Variants in TSNARE1 observed in about 807,000 individuals in gnomAD.
TSNARE1 encodes t-SNARE domain containing 1.
TSNARE1 carries 49 observed loss-of-function variants against 62.0 expected under a neutral mutation model. The observed-to-expected ratio is 0.79, with a 90% CI of 0.63 to 1.00. The LOEUF (loss-of-function observed/expected upper bound fraction) is 1.00. Among genes scored for constraint, TSNARE1 ranks in the 50% least tolerant of loss-of-function variants. TSNARE1 has a pLI of 0.00. For synonymous variants in TSNARE1, 328 were observed against 294.4 expected (o/e 1.11, Z -1.17); for missense variants, 755 against 700.1 (o/e 1.08, Z -0.88).
rs753330579 is a variant in TSNARE1 at position 142,314,372 on chromosome 8, C to G, written c.1131+12G>C. Reference sequence around the variant, plus strand: ...TAACAGCCACTGACCATGGTCAGTACTCGGCACCCACCTGTTTACTGCCCC... The same window carrying G: ...TAACAGCCACTGACCATGGTCAGTAGTCGGCACCCACCTGTTTACTGCCCC... On this transcript the variant is annotated intron_variant, in intron 9 of 13. Coordinates refer to ENST00000524325, the MANE Select transcript of TSNARE1 (RefSeq NM_145003.5). 2 of 1,612,676 alleles carry G rather than the reference C, an allele frequency of 1.2e-6. No homozygotes were observed. Among genetic ancestry groups the G allele is most frequent in the African/African-American group, 1.3e-5 (1 of 74,914 alleles).
chr8:142,279,280 A>G (rs928310486), intron 11 of TSNARE1, among the ~76,000 whole-genome samples: 50 of 152,336 alleles, frequency 3.3e-4, no homozygotes, highest in African/African-American at 1.2e-3. Context: ...GTGGAGAGGA[A>G]GGCCAGGCCG....
intron 1 of TSNARE1, among the ~76,000 whole-genome samples, chr8:142,397,228 G>A (rs1011070171): frequency 1.3e-5 from 2 of 150,202 alleles, no homozygotes; most frequent in Non-Finnish European, 3.0e-5. Flanking sequence ...GCCCCTCTGT[G>A]TGGCAGTGGC....
chr8:142,273,234 T>TC, intron 12 of TSNARE1: 2 of 985,396 alleles, frequency 2.0e-6, no homozygotes, highest in Non-Finnish European at 2.4e-6. Context: ...CCTCCTGCCG[T>TC]CCCAGGCATC....
chr8:142,375,806 T>C lies in TSNARE1; in HGVS notation c.-39-21043A>G, dbSNP rs1192143254. On this transcript the variant is annotated intron_variant, in intron 1 of 13. Transcript: ENST00000524325. ...CGGCTTCCTAGCAGCAAGAGCCTGC[T>C]TGCTCCCAGGCCTGGCTGGCTCCCA... Among the ~76,000 whole-genome samples the C allele has an allele frequency of 2.0e-5, 3 of 152,170 alleles. No individual in the cohort carries two copies. The East Asian group carries it at 5.8e-4, about 29-fold the overall frequency.
intron 10 of TSNARE1, among the ~76,000 whole-genome samples, chr8:142,299,431 G>A (rs185288972): frequency 6.6e-6 from 1 of 152,362 alleles, no homozygotes; most frequent in East Asian, 1.9e-4. Flanking sequence ...GCTTCAGAGT[G>A]GGCAGGCCCT....
intron 1 of TSNARE1, among the ~76,000 whole-genome samples, chr8:142,363,231 G>A (rs1227245427): frequency 6.6e-6 from 1 of 152,172 alleles, no homozygotes; most frequent in Non-Finnish European, 1.5e-5. Context: ...AGCAGGGCCT[G>A]GTGAGGAAAG....
At chr8:142,343,473 T>C (rs1333191891) in intron 4 of TSNARE1, among the ~76,000 whole-genome samples, 1 of 151,364 alleles carries the variant, frequency 6.6e-6, no homozygotes, top group Non-Finnish European at 1.5e-5. Context: ...CAACGGCAAA[T>C]GCCCTTCTCG....
intron 1 of TSNARE1, among the ~76,000 whole-genome samples, chr8:142,395,176 C>T (rs2131417538): frequency 6.6e-6 from 1 of 152,216 alleles, no homozygotes; most frequent in South Asian, 2.1e-4. Context: ...TGGGCATTTT[C>T]CTGTGCTGGG....
intron 12 of TSNARE1, among the ~76,000 whole-genome samples, chr8:142,255,974 TCACCAC>T (rs1234299972): frequency 1.9e-5 from 1 of 51,842 alleles, no homozygotes; most frequent in Non-Finnish European, 3.6e-5. Flanking sequence ...ACCATCACCA[TCACCAC>T]CACCACCACC....
intron 12 of TSNARE1, among the ~76,000 whole-genome samples, chr8:142,268,678 G>C (rs1037946062): frequency 6.6e-6 from 1 of 152,222 alleles, no homozygotes; most frequent in South Asian, 2.1e-4. Context: ...CTAACTCCCA[G>C]TCAGTGGGCT....
intron 12 of TSNARE1, among the ~76,000 whole-genome samples, chr8:142,230,136 T>A (rs772826047): frequency 1.9e-4 from 29 of 152,238 alleles, no homozygotes; most frequent in Non-Finnish European, 3.5e-4. Context: ...GACATTGATC[T>A]GTGCTAAGGG....
In TSNARE1 at chr8:142,223,185, T is replaced by TTCATCCACTCATTCATCCACTCAC. The variant is rs1563756937; in HGVS notation, c.*11+6287_*11+6288insGTGAGTGGATGAATGAGTGGATGA. Among the ~76,000 whole-genome samples, 234 of 45,966 alleles carry TTCATCCACTCATTCATCCACTCAC rather than the reference T, an allele frequency of 5.1e-3. 7 individuals carry two copies. Among genetic ancestry groups the TTCATCCACTCATTCATCCACTCAC allele is most frequent in the Non-Finnish European group, 6.3e-3 (145 of 22,976 alleles). The allele number at this position is 45,966 out of a possible 152,430, so 30.2% of individuals were successfully genotyped here. On this transcript the variant is annotated intron_variant, in intron 13 of 13. Transcript: ENST00000524325. The stretch of plus-strand genomic sequence containing the variant: ...ACTCACTCACTCAAGTATTCACTCA[T>TTCATCCACTCATTCATCCACTCAC]TCACTCGTTCACTCACTCATACTCA...
intron 1 of TSNARE1, among the ~76,000 whole-genome samples, chr8:142,399,692 T>C (rs1200597601): frequency 6.6e-6 from 1 of 152,126 alleles, no homozygotes; most frequent in Non-Finnish European, 1.5e-5. Context: ...CCACAAATGT[T>C]TAGACAGGGC....
intron 12 of TSNARE1, among the ~76,000 whole-genome samples, chr8:142,250,108 C>T (rs903411871): frequency 1.4e-4 from 22 of 152,116 alleles, no homozygotes; most frequent in African/African-American, 2.9e-4. Context: ...GGAGCCAGGC[C>T]GGCAGCGCAG....
chr8:142,324,969 A>G (rs1228909496), intron 6 of TSNARE1, among the ~76,000 whole-genome samples: 4 of 152,178 alleles, frequency 2.6e-5, no homozygotes, highest in African/African-American at 9.7e-5. Flanking sequence ...GCCCTTTCCC[A>G]GTAGGTACAC....
intron 12 of TSNARE1, among the ~76,000 whole-genome samples, chr8:142,242,890 A>G (rs1166201259): frequency 8.3e-6 from 1 of 120,742 alleles, no homozygotes; most frequent in Non-Finnish European, 1.6e-5. Flanking sequence ...TGAACCCGGG[A>G]GGTGGAGGTT....
rs190015192 is a variant in TSNARE1, at chr8:142,343,429, C to A, written c.745+537G>T. ...GGGAGCGTCGGCACGGCTAGAAATGCCTGATTCTCGGTGTGTGTGTCTACC... is the reference window on the plus strand; with the variant it reads ...GGGAGCGTCGGCACGGCTAGAAATGACTGATTCTCGGTGTGTGTGTCTACC... On this transcript the variant is annotated intron_variant, in intron 4 of 13. Coordinates refer to ENST00000524325, the MANE Select transcript of TSNARE1 (RefSeq NM_145003.5). Among the ~76,000 whole-genome samples the A allele has an allele frequency of 1.7e-4, 26 of 151,914 alleles. No individual in the cohort carries two copies. In the East Asian group the frequency reaches 3.7e-3, roughly 22 times the overall value.
intron 1 of TSNARE1, among the ~76,000 whole-genome samples, chr8:142,378,148 G>A (rs764502297): frequency 1.7e-4 from 26 of 152,220 alleles, no homozygotes; most frequent in Non-Finnish European, 2.6e-4. Flanking sequence ...GCCTTGTGCC[G>A]ATTGCCCCAA....
upstream of TSNARE1, chr8:142,406,340 A>T (rs1359922287): frequency 6.6e-6 from 1 of 152,260 alleles, no homozygotes; most frequent in Non-Finnish European, 1.5e-5. Flanking sequence ...TGGGCTCCTA[A>T]GCTCACGGGA....
Sources: gnomAD v4.1 joint callset for allele counts (sites outside exome capture counted in the v4.1 genomes callset) on GRCh38, gnomAD v4.1.1 for gene constraint, MANE v1.5 for transcripts, NCBI Gene and HGNC (gene_info 2026-07-23, HGNC 2026-07-21) for gene names.